The following ZNF821 variants were observed in gnomAD, a reference collection of about 807,000 sequenced individuals.
The protein encoded by ZNF821 is zinc finger protein 821.
ZNF821 carries 16 observed loss-of-function variants against 44.3 expected under a neutral mutation model. The observed-to-expected ratio is 0.36, with a 90% CI of 0.24 to 0.55. The LOEUF (loss-of-function observed/expected upper bound fraction) is 0.55, where lower values mean the gene tolerates loss of function less well. Among genes scored for constraint, ZNF821 ranks in the 20% least tolerant of loss-of-function variants. ZNF821 has a pLI of 0.86. For synonymous variants in ZNF821, 204 were observed against 197.6 expected (o/e 1.03, Z -0.27); for missense variants, 436 against 547.6 (o/e 0.80, Z 2.03).
chr16:71,861,659 G>T, intron 7 of ZNF821, 117 bp downstream of exon 7: 1 of 1,211,616 alleles, frequency 8.3e-7, no homozygotes, highest in South Asian at 1.4e-5. Flanking sequence ...TACTTCCAAG[G>T]AGCATGCATC....
In ZNF821 at chr16:71,868,022, G is replaced by C; in HGVS notation, c.56C>G (p.Ala19Gly). 1 of 1,535,400 alleles carries C rather than the reference G, an allele frequency of 6.5e-7. No individual in the cohort carries two copies. The highest frequency in any genetic ancestry group is 1.4e-5 in the African/African-American group (1 of 73,158). The change falls in exon 4 of 8, where the codon GCT becomes GGT. Residue 19 changes from alanine to glycine, a missense_variant. Around this residue, in one of 5 missense-constraint regions of ZNF821, gnomAD observed 238 missense variants for 281.4 expected, o/e 0.85. Transcript: ENST00000425432. ...CTGGCGGGCTTGCTCTTCTAGCCCAGCAAATACTTGATCCCCTGGTGGTCA... is the reference window on the plus strand; with the variant it reads ...CTGGCGGGCTTGCTCTTCTAGCCCACCAAATACTTGATCCCCTGGTGGTCA... ...PNKVHWDQVF[A>G]GLEEQARQAM...
chr16:71,866,648 TAG>T (rs2034579416), intron 4 of ZNF821, among the ~76,000 whole-genome samples: 1 of 152,214 alleles, frequency 6.6e-6, no homozygotes, highest in Non-Finnish European at 1.5e-5. Flanking sequence ...TCTAGAGGGA[TAG>T]TACATCCTTC....
chr16:71,887,913 G>A (rs1430851057), upstream of ZNF821, among the ~76,000 whole-genome samples: 1 of 149,058 alleles, frequency 6.7e-6, no homozygotes, highest in South Asian at 2.1e-4. Flanking sequence ...CTGGAGTGCA[G>A]CACAGTGGTA....
chr16:71,888,330 C>T (rs1311933359), upstream of ZNF821, among the ~76,000 whole-genome samples: 1 of 151,940 alleles, frequency 6.6e-6, no homozygotes, highest in Non-Finnish European at 1.5e-5. Flanking sequence ...GTTTGGATGC[C>T]ATGTCTACGA....
chr16:71,885,083 T>TGAC (rs2036797416), upstream of ZNF821: 1 of 152,472 alleles, frequency 6.6e-6, no homozygotes, highest in South Asian at 2.1e-4. Context: ...CCCGAACTCC[T>TGAC]GACCTCAGGT....
rs757084663 is a variant in ZNF821 at position 71,879,983 on chromosome 16, T to G, written c.-37A>C. ...GCAAGAGCTCTGGTCTTTCCCAGTT[T>G]CACGACTGGATATGTTACTACCTCC... On this transcript the variant is annotated 5_prime_UTR_variant, in exon 3 of 8. Coordinates refer to ENST00000425432, the MANE Select transcript of ZNF821 (RefSeq NM_001201552.2). 1.2e-6 allele frequency: 2 copies of G among 1,607,332 alleles called. No individual in the cohort carries two copies. Among genetic ancestry groups the G allele is most frequent in the African/African-American group, 2.7e-5 (2 of 74,824 alleles).
At chr16:71,889,710 AC>A (rs1157155472), upstream of ZNF821, among the ~76,000 whole-genome samples, 4 of 152,038 alleles carry the variant, frequency 2.6e-5, no homozygotes, top group Non-Finnish European at 5.9e-5. Context: ...CAACAAAAAA[AC>A]AAAAACAAAA....
intron 3 of ZNF821, among the ~76,000 whole-genome samples, chr16:71,876,161 A>G (rs2035793617): frequency 6.6e-6 from 1 of 152,148 alleles, no homozygotes; most frequent in Admixed American, 6.5e-5. Flanking sequence ...TTCTACTAAG[A>G]GTACCTTTCC....
chr16:71,876,657 G>C (rs1266317183), intron 3 of ZNF821, among the ~76,000 whole-genome samples: 1 of 152,106 alleles, frequency 6.6e-6, no homozygotes, highest in African/African-American at 2.4e-5. Flanking sequence ...GGAGTGCAGT[G>C]GCATGATCTC....
chr16:71,890,965 G>A (rs918011870), intron 1 of ZNF821, among the ~76,000 whole-genome samples: 13 of 150,794 alleles, frequency 8.6e-5, no homozygotes, highest in African/African-American at 3.2e-4. Flanking sequence ...TAGCGGAGAC[G>A]GGGTTTCACT....
In ZNF821 at chr16:71,893,149, C is replaced by A. The variant is rs959136457; in HGVS notation, n.448+1740G>T. ...GCGCCATTCTCCTGCCTCAGCCTCC[C>A]GAGTAGCTGGGACTACAGGCGCCCG... On this transcript the variant is annotated intron_variant and non_coding_transcript_variant, in intron 1 of 2. Transcript: ENST00000561700. Among the ~76,000 whole-genome samples, 20 of 150,798 alleles carry A rather than the reference C, an allele frequency of 1.3e-4. No homozygotes were observed. In the East Asian group the frequency reaches 3.5e-3, roughly 27 times the overall value.
rs183728287 is a variant in ZNF821, at chr16:71,864,166, C to T, written c.389G>A (p.Arg130Gln). 4.5e-5 allele frequency: 72 copies of T among 1,614,060 alleles called. No individual in the cohort carries two copies. The Admixed American group carries it at 4.7e-4, about 10-fold the overall frequency. Residue 130 changes from arginine to glutamine, a missense_variant, in exon 6 of 8, where the codon CGG becomes CAG. By Grantham distance (43) the Arg-to-Gln change is conservative (BLOSUM62 1). Coordinates refer to ENST00000425432, the MANE Select transcript of ZNF821 (RefSeq NM_001201552.2). ...CPLCQLDCGS[R>Q]EQLIAHVYQH... ...GTACACGTGAGCAATCAACTGCTCC[C>T]GGCTCCCGCAGTCTAGCTGGCAGAG...
chr16:71,865,023 C>G lies in ZNF821; in HGVS notation c.192G>C (p.Glu64Asp). 6.2e-7 allele frequency: 1 copy of G among 1,614,206 alleles called. No individual in the cohort carries two copies. The highest frequency in any genetic ancestry group is 1.1e-5 in the South Asian group (1 of 91,086). The change falls in exon 5 of 8, where the codon GAG becomes GAC. Residue 64 changes from glutamate (E) to aspartate (D), a missense_variant. Glu to Asp is a conservative substitution (Grantham distance 45). Transcript: ENST00000425432. ...GGGAAGAGACTTCATCTTGTGTCGT[C>G]TCCTCTTCATCACCCTCACTGTCAC... ...SSSDSEGDEE[E>D]TTQDEVSSHT...
intron 4 of ZNF821, among the ~76,000 whole-genome samples, chr16:71,866,464 A>G (rs1259200809): frequency 1.3e-5 from 2 of 152,136 alleles, no homozygotes; most frequent in Admixed American, 6.5e-5. Flanking sequence ...TTTGAATCCA[A>G]CTCAATAATG....
chr16:71,874,558 A>G (rs926168042), intron 3 of ZNF821, among the ~76,000 whole-genome samples: 1 of 152,000 alleles, frequency 6.6e-6, no homozygotes, highest in Non-Finnish European at 1.5e-5. Flanking sequence ...GGTTCAAGCA[A>G]TCCTCCTGCC....
chr16:71,883,258 T>C lies in ZNF821; in HGVS notation c.-125A>G. ...ACGGAGCAAAGCAAACTCGACTGAA[T>C]CCAAGTGATCTGTATCTGCCAAAAA... On this transcript the variant is annotated 5_prime_UTR_variant, in exon 2 of 8. Coordinates refer to ENST00000425432, the MANE Select transcript of ZNF821 (RefSeq NM_001201552.2). 1 of 455,178 alleles carries C rather than the reference T, an allele frequency of 2.2e-6. No individual in the cohort carries two copies. The highest frequency in any genetic ancestry group is 4.4e-6 in the Non-Finnish European group (1 of 226,386). The allele number at this position is 455,178 out of a possible 1,614,324, so 28.2% of individuals were successfully genotyped here. A position where few individuals can be genotyped will look rare whatever the true frequency, so the allele number is the denominator to read the frequency against.
chr16:71,870,435 T>G (rs1170042897), intron 3 of ZNF821, among the ~76,000 whole-genome samples: 1 of 151,238 alleles, frequency 6.6e-6, no homozygotes, highest in Non-Finnish European at 1.5e-5. Flanking sequence ...AAATACTTAA[T>G]TTCTCCATGC....
intron 1 of ZNF821, chr16:71,894,585 A>T: frequency 2.5e-6 from 1 of 402,470 alleles, no homozygotes; most frequent in East Asian, 4.9e-5. Context: ...GAGTGCTGTG[A>T]CGTGATCACG....
In ZNF821 at chr16:71,878,486, T is replaced by C. The variant is rs1007433650; in HGVS notation, c.40+1421A>G. 2.0e-5 allele frequency among the ~76,000 whole-genome samples: 3 copies of C among 152,170 alleles called. No individual in the cohort carries two copies. In the South Asian group the frequency reaches 6.2e-4, roughly 32 times the overall value. Reference sequence around the variant, plus strand: ...TCCCAGATAATAGGAAAATGGCTAATTATCTCAAATCTGTGTAGATATTAA... The same window carrying C: ...TCCCAGATAATAGGAAAATGGCTAACTATCTCAAATCTGTGTAGATATTAA... On this transcript the variant is annotated intron_variant, in intron 3 of 7. Transcript: ENST00000425432.
Sources: allele counts gnomAD v4.1 joint callset (sites outside exome capture counted in the v4.1 genomes callset), GRCh38; gene constraint gnomAD v4.1.1; regional missense constraint gnomAD v4.1.1; transcripts MANE v1.5; gene names NCBI Gene and HGNC (gene_info 2026-07-23, HGNC 2026-07-21).